ZNF385C: variants seen among roughly 807,000 people sequenced by gnomAD.
ZNF385C encodes the protein CTD-2132N18.2.
Under a neutral mutation model 35.4 loss-of-function variants are expected in ZNF385C, and 28 were observed. That is an observed-to-expected ratio of 0.79 (90% CI 0.59 to 1.08). The LOEUF is 1.08. ZNF385C is among the 50% of genes least tolerant of loss of function. The pLI is 0.00. For synonymous variants in ZNF385C, 248 were observed against 248.2 expected (o/e 1.00, Z 0.01); for missense variants, 605 against 595.6 (o/e 1.02, Z -0.16).
chr17:42,090,946 G>T (rs1555660501), intron 1 of ZNF385C, among the ~76,000 whole-genome samples: 2 of 152,154 alleles, frequency 1.3e-5, no homozygotes. Context: ...AATTCCCAGG[G>T]CAGAGGCTAG....
intron 8 of ZNF385C, 60 bp from the exon 9 acceptor site, chr17:42,027,193 TG>T (rs2052603194): frequency 1.4e-6 from 2 of 1,403,438 alleles, no homozygotes; most frequent in Non-Finnish European, 1.9e-6. Flanking sequence ...ACCCCCTCCC[TG>T]GGGCCCATCC....
chr17:42,066,447 G>A (rs2053547583), intron 1 of ZNF385C, among the ~76,000 whole-genome samples: 1 of 152,050 alleles, frequency 6.6e-6, no homozygotes, highest in African/African-American at 2.4e-5. Context: ...GATGTACCTG[G>A]GTCACTGCAA....
chr17:42,028,291 C>T (rs782649094), intron 6 of ZNF385C, 45 bp from the exon 7 acceptor site: 8 of 1,501,112 alleles, frequency 5.3e-6, no homozygotes, highest in Non-Finnish European at 7.1e-6. Flanking sequence ...GAAGGGGTTG[C>T]AGGGGCCACA....
chr17:42,027,737 C>T lies in ZNF385C; in HGVS notation c.1165-9G>A, dbSNP rs373988096. On this transcript the variant is annotated splice_polypyrimidine_tract_variant and intron_variant, in intron 7 of 8. Coordinates refer to ENST00000692273, the MANE Select transcript of ZNF385C (RefSeq NM_001392013.1). Reference sequence around the variant, plus strand: ...CTCCTGCTGCTCATGTGCTAATGGACAGACAGACAGACTGGGAACAAGATG... The same window carrying T: ...CTCCTGCTGCTCATGTGCTAATGGATAGACAGACAGACTGGGAACAAGATG... 468 of 1,607,496 alleles carry T rather than the reference C, an allele frequency of 2.9e-4. No homozygotes were observed. The highest frequency in any genetic ancestry group is 3.8e-4 in the Non-Finnish European group (451 of 1,177,228).
chr17:42,027,491 A>T, intron 8 of ZNF385C, 127 bp downstream of exon 8: 1 of 816,990 alleles, frequency 1.2e-6, no homozygotes, highest in Non-Finnish European at 1.9e-6. Context: ...TAGCTCTGTC[A>T]CTGCCCAGCA....
chr17:42,097,708 C>A (rs1034743555), intron 1 of ZNF385C, among the ~76,000 whole-genome samples: 2 of 152,124 alleles, frequency 1.3e-5, no homozygotes, highest in Non-Finnish European at 2.9e-5. Flanking sequence ...AGGCAGGACC[C>A]CTTTCCTACA....
At position 42,035,138 on chromosome 17, in the gene ZNF385C, A is replaced by AG. The variant is rs1421967156; in HGVS notation, c.400-804_400-803insC. Among the ~76,000 whole-genome samples the AG allele has an allele frequency of 7.3e-5, 11 of 150,440 alleles. No homozygotes were observed. The East Asian group carries it at 1.2e-3, about 16-fold the overall frequency. ...TGTCTCAAAAAAAAAAAAAAAAAAA[A>AG]AGAGAAGAGAAAAGAAAAGAAAGGA... On this transcript the variant is annotated intron_variant, in intron 3 of 8. Coordinates refer to ENST00000692273, the MANE Select transcript of ZNF385C (RefSeq NM_001392013.1).
chr17:42,068,278 C>A (rs751350666), intron 1 of ZNF385C, among the ~76,000 whole-genome samples: 33 of 152,304 alleles, frequency 2.2e-4, no homozygotes, highest in Middle Eastern at 3.4e-3. Context: ...CTAGCAGGAC[C>A]TACACTTGGA....
At chr17:42,041,261 G>T in intron 2 of ZNF385C, 1 of 1,205,104 alleles carries the variant, frequency 8.3e-7, no homozygotes, top group Non-Finnish European at 1.0e-6. Flanking sequence ...GGCAGGCAGT[G>T]CGGGGTGGTG....
At chr17:42,077,701 GCC>G (rs1273364590) in intron 1 of ZNF385C, among the ~76,000 whole-genome samples, 1 of 152,200 alleles carries the variant, frequency 6.6e-6, no homozygotes, top group Non-Finnish European at 1.5e-5. Flanking sequence ...TCGGCCCACA[GCC>G]CAGACTGGGG....
At chr17:42,048,968 T>G (rs2053228709) in intron 2 of ZNF385C, among the ~76,000 whole-genome samples, 1 of 151,744 alleles carries the variant, frequency 6.6e-6, no homozygotes, top group Non-Finnish European at 1.5e-5. Flanking sequence ...AAAATACTGC[T>G]TTAGACCCCT....
chr17:42,092,637 G>A (rs1333706524), intron 1 of ZNF385C, among the ~76,000 whole-genome samples: 2 of 152,184 alleles, frequency 1.3e-5, no homozygotes, highest in Non-Finnish European at 2.9e-5. Context: ...GAGTGGGCAG[G>A]CTTCTCCCAC....
intron 2 of ZNF385C, among the ~76,000 whole-genome samples, chr17:42,041,963 G>C (rs1352280398): frequency 6.6e-6 from 1 of 152,152 alleles, no homozygotes; most frequent in Non-Finnish European, 1.5e-5. Flanking sequence ...TTCAACACAA[G>C]TCACAAATCT....
intron 1 of ZNF385C, among the ~76,000 whole-genome samples, chr17:42,090,778 A>T (rs1161751232): frequency 2.0e-5 from 3 of 152,076 alleles, no homozygotes; most frequent in African/African-American, 7.2e-5. Context: ...GCTACTCGGG[A>T]GGCTGAGGCA....
At chr17:42,074,071 T>C (rs1202082961) in intron 1 of ZNF385C, among the ~76,000 whole-genome samples, 1 of 152,202 alleles carries the variant, frequency 6.6e-6, no homozygotes, top group Non-Finnish European at 1.5e-5. Flanking sequence ...AGCTCAAATG[T>C]TACCTCCCCA....
intron 1 of ZNF385C, among the ~76,000 whole-genome samples, chr17:42,069,769 G>A (rs141868488): frequency 8.6e-4 from 131 of 152,366 alleles, no homozygotes; most frequent in African/African-American, 2.7e-3. Context: ...GGGGCCAGGC[G>A]TGGTGGCTCT....
In ZNF385C at chr17:42,093,444, C is replaced by G. The variant is rs185635216; in HGVS notation, c.-3+4966G>C. 3.6e-3 allele frequency among the ~76,000 whole-genome samples: 553 copies of G among 152,340 alleles called. 1 individual carries two copies. The highest frequency in any genetic ancestry group is 0.013 in the African/African-American group (532 of 41,578). On this transcript the variant is annotated intron_variant, in intron 1 of 8. Coordinates refer to ENST00000692273, the MANE Select transcript of ZNF385C (RefSeq NM_001392013.1). ...TGATGACTCTGGACCCCCAGCCCTGCTCCCAGGCCTATGACCCTGGGCCTC... is the reference window on the plus strand; with the variant it reads ...TGATGACTCTGGACCCCCAGCCCTGGTCCCAGGCCTATGACCCTGGGCCTC...
At chr17:42,086,685 G>A (rs2143942116) in intron 1 of ZNF385C, among the ~76,000 whole-genome samples, 2 of 115,806 alleles carry the variant, frequency 1.7e-5, no homozygotes, top group South Asian at 2.8e-4. Flanking sequence ...CTGGGCAACA[G>A]AGTGAGATTC....
chr17:42,064,017 C>T (rs1486524498), intron 1 of ZNF385C, among the ~76,000 whole-genome samples: 3 of 151,112 alleles, frequency 2.0e-5, no homozygotes, highest in African/African-American at 7.3e-5. Flanking sequence ...CTGCCTGGGT[C>T]GGCTGAAGAC....
Sources: allele counts gnomAD v4.1 joint callset (sites outside exome capture counted in the v4.1 genomes callset), GRCh38; gene constraint gnomAD v4.1.1; transcripts MANE v1.5; gene names NCBI Gene and HGNC (gene_info 2026-07-23, HGNC 2026-07-21).